Variants in KCNMA1 observed in about 807,000 individuals in gnomAD.
KCNMA1 encodes the protein Calcium-activated potassium channel subunit alpha-1.
A neutral mutation model predicts 140.0 loss-of-function variants in KCNMA1; 29 were observed. The ratio of observed to expected loss-of-function variants is 0.21; its 90% CI spans 0.15 to 0.28. The LOEUF (loss-of-function observed/expected upper bound fraction) is 0.28, where lower values mean the gene tolerates loss of function less well. Among genes scored for constraint, KCNMA1 ranks in the 10% least tolerant of loss-of-function variants. KCNMA1 has a pLI of 1.00. For missense variants in KCNMA1, 880 were observed against 1,602.2 expected, an observed-to-expected ratio of 0.55 and a Z score of 7.70; for synonymous variants, 612 against 611.9, an observed-to-expected ratio of 1.00 and a Z score of 0.00.
intron 19 of KCNMA1, among the ~76,000 whole-genome samples, chr10:76,975,004 A>G (rs2077064453): frequency 1.3e-5 from 2 of 152,158 alleles, no homozygotes; most frequent in Admixed American, 6.5e-5. Context: ...TCTGTCTCGA[A>G]CTGCCGGCTT....
intron 2 of KCNMA1, among the ~76,000 whole-genome samples, chr10:77,292,583 T>C (rs2073641226): frequency 1.3e-5 from 2 of 152,228 alleles, no homozygotes; most frequent in Admixed American, 1.3e-4. Context: ...CTGTCTGTTC[T>C]TCAGCCATGA....
rs2036941883 is a variant in KCNMA1, at chr10:76,886,369, T to A, written c.*897A>T. On this transcript the variant is annotated 3_prime_UTR_variant, in exon 28 of 28. Coordinates refer to ENST00000286628, the MANE Select transcript of KCNMA1 (RefSeq NM_001161352.2). Reference sequence around the variant, plus strand: ...GATGTAAAAGTCCCAGGAAGGCAGTTTTTAATGACTTACATCTGATATTTA... The same window carrying A: ...GATGTAAAAGTCCCAGGAAGGCAGTATTTAATGACTTACATCTGATATTTA... 1 of 984,968 alleles carries A rather than the reference T, an allele frequency of 1.0e-6. No individual in the cohort carries two copies. Among genetic ancestry groups the A allele is most frequent in the African/African-American group, 1.7e-5 (1 of 57,234 alleles). The allele number at this position is 984,968 out of a possible 1,614,324, so 61.0% of individuals were successfully genotyped here.
At chr10:77,195,259 G>C (rs1191694241) in intron 3 of KCNMA1, among the ~76,000 whole-genome samples, 1 of 152,134 alleles carries the variant, frequency 6.6e-6, no homozygotes, top group African/African-American at 2.4e-5. Flanking sequence ...TGAGAGCCTA[G>C]CAGCCTCACA....
At chr10:77,469,815 C>T (rs1401708365) in intron 1 of KCNMA1, among the ~76,000 whole-genome samples, 1 of 152,104 alleles carries the variant, frequency 6.6e-6, no homozygotes, top group African/African-American at 2.4e-5. Context: ...ATGGATCTTC[C>T]GGCTGATGGC....
chr10:77,579,457 G>C (rs1257205029), intron 1 of KCNMA1, among the ~76,000 whole-genome samples: 1 of 152,148 alleles, frequency 6.6e-6, no homozygotes, highest in African/African-American at 2.4e-5. Context: ...AATGCAGATG[G>C]CTCTTTCCCA....
chr10:77,397,383 C>G (rs185208537), intron 2 of KCNMA1, among the ~76,000 whole-genome samples: 16 of 152,090 alleles, frequency 1.1e-4, no homozygotes, highest in Non-Finnish European at 2.2e-4. Flanking sequence ...TAATAGTGTA[C>G]ATATTTTGGG....
rs557274471 is a variant in KCNMA1 at position 77,359,111 on chromosome 10, G to A, written c.540+44751C>T. On this transcript the variant is annotated intron_variant, in intron 2 of 27. Transcript: ENST00000286628. ...AAAGGAGACTCGTTCACACCCAGGA[G>A]GAGGAATATTCTTCCTGTTCTACCC... is the stretch of plus-strand genomic sequence containing the variant. Among the ~76,000 whole-genome samples, 14 of 152,306 alleles carry A rather than the reference G, an allele frequency of 9.2e-5. No individual in the cohort carries two copies. In the South Asian group the frequency reaches 2.7e-3, roughly 29 times the overall value.
At chr10:77,268,413 T>C (rs1516508) in intron 2 of KCNMA1, among the ~76,000 whole-genome samples, 5,992 of 152,238 alleles carry the variant, frequency 0.039, 169 homozygotes, top group Middle Eastern at 0.075. Context: ...TCCATGCTGC[T>C]AGTGGTCTGC....
chr10:76,926,448 T>C (rs904156921), intron 23 of KCNMA1, among the ~76,000 whole-genome samples: 1 of 152,216 alleles, frequency 6.6e-6, no homozygotes, highest in Non-Finnish European at 1.5e-5. Context: ...GCACAGAGCA[T>C]GTACTTCATC....
In KCNMA1 at chr10:76,941,106, G is replaced by A. The variant is rs1164266397; in HGVS notation, c.2902+3667C>T. ...GAAAGAGAAAGAAAGAAAGAAGGGA[G>A]GGAGGGAGGGAGGGAAGGGAAGGGA... On this transcript the variant is annotated intron_variant, in intron 23 of 27. Coordinates refer to ENST00000286628, the MANE Select transcript of KCNMA1 (RefSeq NM_001161352.2). Among the ~76,000 whole-genome samples the A allele has an allele frequency of 2.9e-3, 169 of 58,040 alleles. 3 individuals carry two copies. Among genetic ancestry groups the A allele is most frequent in the African/African-American group, 0.011 (154 of 14,418 alleles). 38.1% of individuals were successfully genotyped at this position (58,040 alleles called of 152,430 possible).
exon 28 of KCNMA1, chr10:76,871,799 A>T (rs985404983): frequency 6.6e-6 from 1 of 152,214 alleles, no homozygotes; most frequent in Middle Eastern, 3.4e-3. Context: ...AAACCACAGC[A>T]TTTCTCCCTT....
At chr10:77,437,905 A>G (rs1481268821) in intron 1 of KCNMA1, among the ~76,000 whole-genome samples, 1 of 152,218 alleles carries the variant, frequency 6.6e-6, no homozygotes, top group Non-Finnish European at 1.5e-5. Flanking sequence ...CTGGGATCAC[A>G]GAACTGAATG....
intron 6 of KCNMA1, among the ~76,000 whole-genome samples, chr10:77,113,071 T>G (rs547120701): frequency 1.3e-5 from 2 of 152,220 alleles, no homozygotes; most frequent in Non-Finnish European, 2.9e-5. Context: ...TTTATTGATT[T>G]TTTTTTATTT....
chr10:77,149,239 C>A (rs1370092080), intron 5 of KCNMA1, among the ~76,000 whole-genome samples: 4 of 152,200 alleles, frequency 2.6e-5, no homozygotes, highest in Admixed American at 6.5e-5. Context: ...AGAAGAGTCT[C>A]TTTCAAAGAA....
chr10:77,609,198 T>A (rs2085753169), intron 1 of KCNMA1, among the ~76,000 whole-genome samples: 1 of 152,206 alleles, frequency 6.6e-6, no homozygotes, highest in African/African-American at 2.4e-5. Flanking sequence ...CCTATCTAAG[T>A]GCCCACCAAC....
rs567392830 is a variant in KCNMA1, at chr10:77,354,460, A to G, written c.540+49402T>C. On this transcript the variant is annotated intron_variant, in intron 2 of 27. Transcript: ENST00000286628. ...TTTTTTTCACCATTTGAGGACTGAAAGTAAATTTAGCTTCCTCAGCAGAAA... is the reference window on the plus strand; with the variant it reads ...TTTTTTTCACCATTTGAGGACTGAAGGTAAATTTAGCTTCCTCAGCAGAAA... 7 of 152,330 alleles carry G rather than the reference A, an allele frequency of 4.6e-5. No individual in the cohort carries two copies. In the East Asian group the frequency reaches 1.4e-3, roughly 29 times the overall value. 9.4% of individuals were successfully genotyped at this position (152,330 alleles called of 1,614,324 possible). A position where few individuals can be genotyped will look rare whatever the true frequency, so the allele number is the denominator to read the frequency against.
chr10:77,284,197 G>A (rs1007411101), intron 2 of KCNMA1, among the ~76,000 whole-genome samples: 3 of 152,124 alleles, frequency 2.0e-5, no homozygotes, highest in Admixed American at 6.5e-5. Context: ...GTGACTGGGT[G>A]ATAGGCATGA....
At chr10:77,185,129 T>C (rs1046693360) in intron 3 of KCNMA1, among the ~76,000 whole-genome samples, 7 of 152,064 alleles carry the variant, frequency 4.6e-5, no homozygotes, top group Admixed American at 1.3e-4. Flanking sequence ...TTCTTTTATT[T>C]ATTGTTTTCG....
chr10:77,147,830 G>A (rs1182582335), intron 5 of KCNMA1: 1 of 152,160 alleles, frequency 6.6e-6, no homozygotes, highest in Non-Finnish European at 1.5e-5. Context: ...TTTGATTATT[G>A]AGACTTTTAT....
Sources: gnomAD v4.1 joint callset for allele counts (sites outside exome capture counted in the v4.1 genomes callset) on GRCh38, gnomAD v4.1.1 for gene constraint, MANE v1.5 for transcripts, NCBI Gene and HGNC (gene_info 2026-07-23, HGNC 2026-07-21) for gene names.